Variants in DOCK2 observed in about 807,000 individuals in gnomAD.
The protein encoded by DOCK2 is dedicator of cytokinesis protein 2.
In DOCK2, 87 loss-of-function variants were observed where a neutral mutation model predicts 248.9. The ratio of observed to expected loss-of-function variants is 0.35; its 90% CI spans 0.29 to 0.42. The LOEUF (loss-of-function observed/expected upper bound fraction) is 0.42, where lower values mean the gene tolerates loss of function less well. Among genes scored for constraint, DOCK2 ranks in the 10% least tolerant of loss-of-function variants. The pLI is 1.00. For synonymous variants in DOCK2, 805 were observed against 821.6 expected (o/e 0.98, Z 0.35); for missense variants, 1,747 against 2,300.2 (o/e 0.76, Z 4.92).
intron 26 of DOCK2, among the ~76,000 whole-genome samples, chr5:169,824,730 A>G (rs1185834283): frequency 3.9e-5 from 6 of 152,252 alleles, no homozygotes; most frequent in Non-Finnish European, 7.4e-5. Flanking sequence ...CTTCATGCCT[A>G]AAACACCAAA....
intron 30 of DOCK2, among the ~76,000 whole-genome samples, chr5:170,003,017 G>A (rs1328922756): frequency 6.6e-6 from 1 of 152,166 alleles, no homozygotes; most frequent in Non-Finnish European, 1.5e-5. Context: ...AGCTGTATTC[G>A]AGTCATTGTG....
chr5:170,034,585 C>T, intron 35 of DOCK2, 30 bp downstream of exon 35: 1 of 1,611,778 alleles, frequency 6.2e-7, no homozygotes, highest in Non-Finnish European at 8.5e-7. Flanking sequence ...CCAAGTCAGA[C>T]CAGAACCCTG....
intron 28 of DOCK2, among the ~76,000 whole-genome samples, chr5:169,985,538 T>A (rs1198097881): frequency 1.3e-5 from 2 of 152,220 alleles, no homozygotes; most frequent in African/African-American, 4.8e-5. Context: ...TGAAAATGAT[T>A]ATAAAATTGC....
chr5:169,640,475 A>G (rs1311703424), intron 1 of DOCK2, among the ~76,000 whole-genome samples: 2 of 152,232 alleles, frequency 1.3e-5, no homozygotes, highest in East Asian at 1.9e-4. Flanking sequence ...ACAAGAGAAA[A>G]CAAACAAGTT....
intron 26 of DOCK2, among the ~76,000 whole-genome samples, chr5:169,819,863 T>A (rs1317649429): frequency 6.6e-6 from 1 of 152,170 alleles, no homozygotes; most frequent in Non-Finnish European, 1.5e-5. Flanking sequence ...GGGAATTCCC[T>A]TTCCTAGCCA....
At chr5:169,848,716 C>T (rs955234435) in intron 27 of DOCK2, among the ~76,000 whole-genome samples, 1 of 152,130 alleles carries the variant, frequency 6.6e-6, no homozygotes, top group African/African-American at 2.4e-5. Context: ...CTAATTACCC[C>T]GGTTTTCACA....
intron 23 of DOCK2, among the ~76,000 whole-genome samples, chr5:169,754,312 A>C (rs1294679788): frequency 6.6e-6 from 1 of 152,092 alleles, no homozygotes; most frequent in Non-Finnish European, 1.5e-5. Flanking sequence ...CCCTTGATTT[A>C]CCTCTGGGAC....
intron 7 of DOCK2, among the ~76,000 whole-genome samples, chr5:169,682,310 T>G (rs955329373): frequency 6.6e-6 from 1 of 152,242 alleles, no homozygotes; most frequent in Non-Finnish European, 1.5e-5. Flanking sequence ...ACCTGAATCA[T>G]GTGAGGGCAC....
intron 27 of DOCK2, among the ~76,000 whole-genome samples, chr5:169,967,288 T>C (rs1480354976): frequency 6.6e-6 from 1 of 152,202 alleles, no homozygotes; most frequent in East Asian, 1.9e-4. Context: ...TGATTTCAAA[T>C]ACGGGACCTG....
chr5:169,663,756 G>A lies in DOCK2; in HGVS notation c.128-5532G>A, dbSNP rs149801503. Among the ~76,000 whole-genome samples, 76 of 152,336 alleles carry A rather than the reference G, an allele frequency of 5.0e-4. 1 individual carries two copies. The East Asian group carries it at 9.6e-3, about 19-fold the overall frequency. On this transcript the variant is annotated intron_variant, in intron 2 of 51. Coordinates refer to ENST00000520908, the MANE Select transcript of DOCK2 (RefSeq NM_004946.3). Reference sequence around the variant, plus strand: ...AGTCCTGAGGCTGCACAGCAACAGGGCCCTGGGCCCAGCCCACAAAACCAT... The same window carrying A: ...AGTCCTGAGGCTGCACAGCAACAGGACCCTGGGCCCAGCCCACAAAACCAT...
chr5:169,739,537 T>G (rs1763204155), intron 22 of DOCK2, among the ~76,000 whole-genome samples: 1 of 152,210 alleles, frequency 6.6e-6, no homozygotes, highest in Non-Finnish European at 1.5e-5. Context: ...AATAAGTGTA[T>G]ATAATGGGCA....
In DOCK2 at chr5:169,839,745, C is replaced by T. The variant is rs534713443; in HGVS notation, c.2704-1012C>T. 9.2e-5 allele frequency among the ~76,000 whole-genome samples: 14 copies of T among 152,244 alleles called. No individual in the cohort carries two copies. The South Asian group carries it at 1.5e-3, about 16-fold the overall frequency. The stretch of plus-strand genomic sequence containing the variant: ...AATGTGGCTTCTATTATACAAGCAC[C>T]ATGTGGTTACCATTATGTAACCCTA... On this transcript the variant is annotated intron_variant, in intron 26 of 51. Transcript: ENST00000520908.
chr5:169,898,290 C>A (rs1773725461), intron 27 of DOCK2, among the ~76,000 whole-genome samples: 1 of 152,200 alleles, frequency 6.6e-6, no homozygotes, highest in Non-Finnish European at 1.5e-5. Flanking sequence ...TGGGAAGGGC[C>A]ATATATTGCT....
At chr5:169,787,913 T>A (rs1222891090) in intron 25 of DOCK2, among the ~76,000 whole-genome samples, 1 of 152,118 alleles carries the variant, frequency 6.6e-6, no homozygotes. Flanking sequence ...CTCTGCTAAA[T>A]GCATTGTAAT....
At chr5:169,779,557 C>G (rs951630489) in intron 25 of DOCK2, among the ~76,000 whole-genome samples, 8 of 152,110 alleles carry the variant, frequency 5.3e-5, no homozygotes, top group African/African-American at 1.9e-4. Flanking sequence ...CTAGGGCCAG[C>G]TCTAGAGGAA....
At chr5:169,810,981 T>TCACACACACACACACA (rs1246188439) in intron 26 of DOCK2, among the ~76,000 whole-genome samples, 3 of 142,034 alleles carry the variant, frequency 2.1e-5, no homozygotes, top group African/African-American at 8.7e-5. Flanking sequence ...ACTCTCTCTC[T>TCACACACACACACACA]CTCTCTCTCA....
chr5:169,645,595 T>C (rs1381596984), intron 1 of DOCK2, among the ~76,000 whole-genome samples: 1 of 152,250 alleles, frequency 6.6e-6, no homozygotes, highest in African/African-American at 2.4e-5. Context: ...TGATAGTTTC[T>C]TTTGCTGTGC....
In DOCK2 at chr5:169,983,497, C is replaced by CA. The variant is rs1290051590; in HGVS notation, c.2898+332dup. 2.0e-5 allele frequency among the ~76,000 whole-genome samples: 3 copies of CA among 152,342 alleles called. No individual in the cohort carries two copies. In the East Asian group the frequency reaches 5.8e-4, roughly 29 times the overall value. On this transcript the variant is annotated intron_variant, in intron 28 of 51. Coordinates refer to ENST00000520908, the MANE Select transcript of DOCK2 (RefSeq NM_004946.3). ...GGTTGCACGAGAACACAATAGCTCT[C>CA]ACGTAGTAAGTGCTCAGTAAAATAT... is the stretch of plus-strand genomic sequence containing the variant.
chr5:170,073,994 G>A (rs909950963), intron 46 of DOCK2, among the ~76,000 whole-genome samples: 3 of 151,700 alleles, frequency 2.0e-5, no homozygotes, highest in East Asian at 1.9e-4. Flanking sequence ...AATTTAGTTC[G>A]CTGTTCTTTT....
Sources: gnomAD v4.1 joint callset for allele counts (sites outside exome capture counted in the v4.1 genomes callset) on GRCh38, gnomAD v4.1.1 for gene constraint, MANE v1.5 for transcripts, NCBI Gene and HGNC (gene_info 2026-07-23, HGNC 2026-07-21) for gene names.